SLTM: variants seen among roughly 807,000 people sequenced by gnomAD.
SLTM encodes SAFB-like transcription modulator.
SLTM carries 43 observed loss-of-function variants against 134.6 expected under a neutral mutation model. The observed-to-expected ratio is 0.32, with a 90% confidence interval of 0.25 to 0.41. SLTM has a LOEUF of 0.41. Ranked by LOEUF, SLTM falls within the 10% of genes least tolerant of loss-of-function variation. SLTM has a pLI of 1.00. For missense variants in SLTM, 1,055 were observed against 1,288.8 expected (o/e 0.82, Z 2.78); for synonymous variants, 424 against 432.3 (o/e 0.98, Z 0.24).
chr15:58,919,026 T>C (rs758803438), intron 2 of SLTM, among the ~76,000 whole-genome samples: 1 of 152,094 alleles, frequency 6.6e-6, no homozygotes, highest in East Asian at 1.9e-4. Context: ...GCGATTCTCC[T>C]GCCTCAGCCT....
At chr15:58,904,339 TAATA>T (rs2035713667) in intron 5 of SLTM, among the ~76,000 whole-genome samples, 1 of 152,126 alleles carries the variant, frequency 6.6e-6, no homozygotes, top group African/African-American at 2.4e-5. Context: ...GTCATTTTAT[TAATA>T]AATGATATTT....
At chr15:58,897,500 T>G in intron 8 of SLTM, 1 of 300,254 alleles carries the variant, frequency 3.3e-6, no homozygotes, top group Non-Finnish European at 6.3e-6. Context: ...TGCTGTTCAG[T>G]TTTAATAATT....
In SLTM at chr15:58,879,899, G is replaced by C. The variant is rs1442943398; in HGVS notation, c.*100C>G. 3 of 1,379,780 alleles carry C rather than the reference G, an allele frequency of 2.2e-6. No individual in the cohort carries two copies. Among genetic ancestry groups the C allele is most frequent in the Non-Finnish European group, 2.9e-6 (3 of 1,036,930 alleles). The allele number at this position is 1,379,780 out of a possible 1,614,324, so 85.5% of individuals were successfully genotyped here. A position where few individuals can be genotyped will look rare whatever the true frequency, so the allele number is the denominator to read the frequency against. ...AATTTTTAAAAAGAAAAGTCTGACA[G>C]AACTCTCAAGCAAGTCAGAGGTCCT... On this transcript the variant is annotated 3_prime_UTR_variant, in exon 21 of 21. Transcript: ENST00000380516.
chr15:58,894,373 ATGAGT>A, intron 10 of SLTM, 55 bp downstream of exon 10: 1 of 1,584,082 alleles, frequency 6.3e-7, no homozygotes. Flanking sequence ...GTTAACAGCT[ATGAGT>A]TGAGAACTAG....
In SLTM at chr15:58,881,086, A is replaced by G. The variant is rs561114199; in HGVS notation, c.2997-979T>C. On this transcript the variant is annotated intron_variant, in intron 20 of 20. Coordinates refer to ENST00000380516, the MANE Select transcript of SLTM (RefSeq NM_024755.4). ...GTAATCCCAGCACTTTGGGAGGCCG[A>G]GGCGGGCGGATCAAGGAGAATTGCC... Among the ~76,000 whole-genome samples the G allele has an allele frequency of 2.6e-5, 4 of 152,128 alleles. No individual in the cohort carries two copies. In the East Asian group the frequency reaches 7.8e-4, roughly 30 times the overall value.
intron 6 of SLTM, chr15:58,900,914 C>A (rs765793455): frequency 5.1e-5 from 11 of 216,562 alleles, no homozygotes; most frequent in African/African-American, 9.5e-5. Context: ...CACTAGGACT[C>A]CAATAAGCAC....
intron 15 of SLTM, 183 bp downstream of exon 15, chr15:58,890,098 G>A: frequency 1.6e-6 from 1 of 643,844 alleles, no homozygotes; most frequent in Non-Finnish European, 2.6e-6. Flanking sequence ...CTAGAACAAA[G>A]TCACTACTAA....
chr15:58,890,331 C>T lies in SLTM; in HGVS notation c.2029G>A (p.Glu677Lys). 6.2e-7 allele frequency: 1 copy of T among 1,614,088 alleles called. No homozygotes were observed. Among genetic ancestry groups the T allele is most frequent in the East Asian group, 2.2e-5 (1 of 44,878 alleles). Reference protein sequence around the residue: ...LEIERQKLERERMERERLERE... With the variant: ...LEIERQKLERKRMERERLERE... ...TCCAAGCGTTCGCGTTCCATTCTCT[C>T]TCTCTCTAGTTTTTGCCTTTCAATT... Residue 677 changes from glutamate to lysine, a missense_variant, in exon 15 of 21, where the codon GAG becomes AAG. Physicochemically the swap from Glu to Lys is moderately conservative, Grantham distance 56. Around this residue, in one of 3 missense-constraint regions of SLTM, gnomAD observed 776 missense variants for 962.2 expected, o/e 0.81. Transcript: ENST00000380516.
At chr15:58,894,661 C>T (rs940616479) in intron 9 of SLTM, 79 bp from the exon 10 acceptor site, 8 of 1,318,202 alleles carry the variant, frequency 6.1e-6, no homozygotes, top group Non-Finnish European at 8.7e-6. Flanking sequence ...AACTTCACAA[C>T]TGAAACTATA....
chr15:58,906,310 C>T (rs577073322), intron 5 of SLTM, among the ~76,000 whole-genome samples: 1 of 152,186 alleles, frequency 6.6e-6, no homozygotes, highest in Non-Finnish European at 1.5e-5. Context: ...ATTAACCACT[C>T]AAGTTTGTCT....
In SLTM at chr15:58,883,796, T is replaced by G. The variant is rs199502478; in HGVS notation, c.2836-10A>C. 1.9e-6 allele frequency: 3 copies of G among 1,613,204 alleles called. No homozygotes were observed. In the South Asian group the frequency reaches 3.3e-5, roughly 18 times the overall value. ...GCTCCTCAGGATAGTGCTAAAAGAATAGCATATGAAAAGTCACTTGGCCGG... is the reference window on the plus strand; with the variant it reads ...GCTCCTCAGGATAGTGCTAAAAGAAGAGCATATGAAAAGTCACTTGGCCGG... On this transcript the variant is annotated splice_polypyrimidine_tract_variant and intron_variant, in intron 19 of 20. Transcript: ENST00000380516.
Position 58,880,122 on chromosome 15 carries a change from A to G in SLTM, c.2997-15T>C. ...GGGATGCGTTACTGAAAAAGGTTTA[A>G]AAGAAAAAAACATCAGAGAACAAAG... is the stretch of plus-strand genomic sequence containing the variant. On this transcript the variant is annotated splice_polypyrimidine_tract_variant and intron_variant, in intron 20 of 20. Coordinates refer to ENST00000380516, the MANE Select transcript of SLTM (RefSeq NM_024755.4). 2 of 1,610,506 alleles carry G rather than the reference A, an allele frequency of 1.2e-6. No individual in the cohort carries two copies. The highest frequency in any genetic ancestry group is 1.7e-6 in the Non-Finnish European group (2 of 1,178,124).
At position 58,890,406 on chromosome 15, in the gene SLTM, G is replaced by A; in HGVS notation, c.1954C>T (p.Arg652Cys). ...RRERERIRII[R>C]EREERERLQR... ...AAGCGTTCCCGTTCTTCCCGTTCACGAATTATTCTAATGCGTTCTCGCTCT... is the reference window on the plus strand; with the variant it reads ...AAGCGTTCCCGTTCTTCCCGTTCACAAATTATTCTAATGCGTTCTCGCTCT... The change falls in exon 15 of 21, where the codon CGT becomes TGT. Residue 652 changes from arginine to cysteine, a missense_variant. Arg to Cys is a radical substitution (Grantham distance 180). This residue lies in a region of SLTM where 776 missense variants were observed against 962.2 expected (regional missense o/e 0.81). Transcript: ENST00000380516. 1 of 1,613,784 alleles carries A rather than the reference G, an allele frequency of 6.2e-7. No individual in the cohort carries two copies. Among genetic ancestry groups the A allele is most frequent in the Non-Finnish European group, 8.5e-7 (1 of 1,179,964 alleles).
intron 20 of SLTM, among the ~76,000 whole-genome samples, chr15:58,882,395 C>T (rs750523595): frequency 1.3e-5 from 2 of 152,056 alleles, no homozygotes; most frequent in African/African-American, 4.8e-5. Flanking sequence ...ACTTACATGG[C>T]AGTGGCAACA....
intron 8 of SLTM, 72 bp downstream of exon 8, chr15:58,898,731 C>T (rs10518991): frequency 0.21 from 245,600 of 1,151,978 alleles, 30,419 homozygotes; most frequent in South Asian, 0.43. Flanking sequence ...AAGAAAACAC[C>T]GCGCAACTAC....
At chr15:58,920,459 A>G (rs2141179528) in intron 2 of SLTM, among the ~76,000 whole-genome samples, 3 of 145,894 alleles carry the variant, frequency 2.1e-5, no homozygotes, top group Middle Eastern at 8.7e-3. Flanking sequence ...CCCCATCTCT[A>G]CTAAAAATAT....
Position 58,889,394 on chromosome 15 carries a change from C to T in SLTM, c.2204+36G>A, listed in dbSNP as rs2034487832. The T allele has an allele frequency of 2.5e-6, 4 of 1,610,718 alleles. No homozygotes were observed. In the South Asian group the frequency reaches 4.4e-5, roughly 18 times the overall value. ...TCTTAGCCTAAAGGGAATAAAACAG[C>T]AAGGTTAACTGTTAAGGAATAAAAT... On this transcript the variant is annotated intron_variant, in intron 16 of 20. Coordinates refer to ENST00000380516, the MANE Select transcript of SLTM (RefSeq NM_024755.4).
chr15:58,926,300 A>G (rs368895516), intron 2 of SLTM, among the ~76,000 whole-genome samples: 4 of 152,184 alleles, frequency 2.6e-5, no homozygotes, highest in South Asian at 2.1e-4. Flanking sequence ...AGTTCTATCT[A>G]CCTTCAACAA....
chr15:58,921,848 T>G (rs920566086), intron 2 of SLTM, among the ~76,000 whole-genome samples: 2 of 152,098 alleles, frequency 1.3e-5, no homozygotes, highest in Non-Finnish European at 2.9e-5. Flanking sequence ...TGATCTCAAC[T>G]CACTGCAACC....
Sources: gnomAD v4.1 joint callset for allele counts (sites outside exome capture counted in the v4.1 genomes callset) on GRCh38, gnomAD v4.1.1 for gene constraint, gnomAD v4.1.1 regional missense constraint, MANE v1.5 for transcripts, NCBI Gene and HGNC (gene_info 2026-07-23, HGNC 2026-07-21) for gene names.